DPP10: variants seen among roughly 807,000 people sequenced by gnomAD.
The protein encoded by DPP10 is dipeptidyl peptidase like 10, also known as inactive dipeptidyl peptidase 10.
Under a neutral mutation model 120.9 loss-of-function variants are expected in DPP10, and 33 were observed. That is an observed-to-expected ratio of 0.27 (90% CI 0.21 to 0.37). DPP10 has a LOEUF of 0.37. Among genes scored for constraint, DPP10 ranks in the 10% least tolerant of loss-of-function variants. The pLI, the probability that DPP10 is intolerant of heterozygous loss-of-function variation, is 1.00. For missense variants in DPP10, 816 were observed against 942.8 expected, an observed-to-expected ratio of 0.87 and a Z score of 1.76; for synonymous variants, 337 against 326.1, an observed-to-expected ratio of 1.03 and a Z score of -0.36.
intron 4 of DPP10, among the ~76,000 whole-genome samples, chr2:115,503,917 G>A (rs1278679164): frequency 2.0e-5 from 3 of 152,092 alleles, no homozygotes; most frequent in African/African-American, 7.2e-5. Context: ...AATGTCAGGA[G>A]TGTAGAGTTT....
chr2:115,304,588 G>C (rs143653109), intron 1 of DPP10, among the ~76,000 whole-genome samples: 4 of 151,994 alleles, frequency 2.6e-5, no homozygotes, highest in Admixed American at 2.0e-4. Flanking sequence ...ATGCTTTTCA[G>C]ACTATTTCAA....
chr2:114,714,976 C>T (rs1404760268), intron 1 of DPP10, among the ~76,000 whole-genome samples: 1 of 152,032 alleles, frequency 6.6e-6, no homozygotes, highest in African/African-American at 2.4e-5. Flanking sequence ...AGACAAAAGT[C>T]GCTTGAAAGA....
At chr2:115,453,383 A>G (rs920930448) in intron 3 of DPP10, among the ~76,000 whole-genome samples, 1 of 151,622 alleles carries the variant, frequency 6.6e-6, no homozygotes, top group African/African-American at 2.4e-5. Flanking sequence ...ACAAAATCAC[A>G]GTGTTCTGAG....
chr2:114,595,604 A>G (rs1330046327), intron 1 of DPP10, among the ~76,000 whole-genome samples: 1 of 152,168 alleles, frequency 6.6e-6, no homozygotes, highest in East Asian at 1.9e-4. Flanking sequence ...GTCATCACAC[A>G]TGGTAAAAAG....
chr2:115,199,725 T>A (rs1363494518), intron 1 of DPP10, among the ~76,000 whole-genome samples: 1 of 152,196 alleles, frequency 6.6e-6, no homozygotes, highest in Admixed American at 6.5e-5. Context: ...ACTGAAGAGA[T>A]GATGATTTTA....
At chr2:115,014,522 C>G (rs531529215) in intron 1 of DPP10, among the ~76,000 whole-genome samples, 1 of 151,832 alleles carries the variant, frequency 6.6e-6, no homozygotes, top group African/African-American at 2.4e-5. Flanking sequence ...ATTAGAGACA[C>G]GAAAAACCCT....
chr2:115,099,056 G>A (rs532248378), intron 1 of DPP10, among the ~76,000 whole-genome samples: 30 of 151,488 alleles, frequency 2.0e-4, no homozygotes, highest in Non-Finnish European at 3.8e-4. Context: ...AGGCCAAGGC[G>A]GGCGGATCAC....
chr2:114,449,250 C>T (rs1195363638), intron 1 of DPP10, among the ~76,000 whole-genome samples: 2 of 152,008 alleles, frequency 1.3e-5, no homozygotes, highest in African/African-American at 4.8e-5. Context: ...TGTTCTTTGG[C>T]CCGTAGATAT....
intron 1 of DPP10, among the ~76,000 whole-genome samples, chr2:114,996,944 T>C (rs988781961): frequency 7.2e-6 from 1 of 139,850 alleles, no homozygotes; most frequent in East Asian, 2.1e-4. Context: ...ATCGTGCCAC[T>C]GCGTTCTAGC....
intron 1 of DPP10, among the ~76,000 whole-genome samples, chr2:115,179,186 C>A (rs78028694): frequency 6.6e-6 from 1 of 151,862 alleles, no homozygotes. Flanking sequence ...AATTCTATAC[C>A]TTATAAGATA....
At chr2:114,786,910 A>G (rs1574186200) in intron 1 of DPP10, among the ~76,000 whole-genome samples, 1 of 152,076 alleles carries the variant, frequency 6.6e-6, no homozygotes, top group African/African-American at 2.4e-5. Flanking sequence ...AATTGGAACA[A>G]TCCCGACCCC....
chr2:115,279,044 A>C (rs2060032245), intron 1 of DPP10, among the ~76,000 whole-genome samples: 1 of 152,210 alleles, frequency 6.6e-6, no homozygotes, highest in South Asian at 2.1e-4. Context: ...ATGATTTATT[A>C]GATTTGACAC....
At chr2:114,848,494 A>G (rs1688710171) in intron 1 of DPP10, among the ~76,000 whole-genome samples, 1 of 152,218 alleles carries the variant, frequency 6.6e-6, no homozygotes, top group African/African-American at 2.4e-5. Flanking sequence ...AATAAGAGAG[A>G]GTCAGAAGAT....
intron 1 of DPP10, among the ~76,000 whole-genome samples, chr2:115,196,796 T>C (rs376921686): frequency 9.9e-4 from 151 of 152,276 alleles, no homozygotes; most frequent in African/African-American, 3.4e-3. Context: ...CATATGGATG[T>C]GTGGGTGTGG....
intron 3 of DPP10, among the ~76,000 whole-genome samples, chr2:115,463,667 A>G (rs927478999): frequency 1.3e-5 from 2 of 152,032 alleles, no homozygotes; most frequent in Non-Finnish European, 2.9e-5. Flanking sequence ...ATTTTGGTCC[A>G]TTTGCGTCTA....
At chr2:114,885,344 A>C (rs1019778337) in intron 1 of DPP10, among the ~76,000 whole-genome samples, 1 of 152,138 alleles carries the variant, frequency 6.6e-6, no homozygotes, top group Non-Finnish European at 1.5e-5. Context: ...CGCCGAGGGG[A>C]TAATGCTAAA....
intron 1 of DPP10, among the ~76,000 whole-genome samples, chr2:114,551,158 C>T (rs1027311237): frequency 7.9e-5 from 12 of 152,100 alleles, no homozygotes; most frequent in Non-Finnish European, 1.6e-4. Flanking sequence ...GGATGATCTC[C>T]CCACTTCTAC....
chr2:115,643,110 A>G (rs79346634), intron 5 of DPP10, among the ~76,000 whole-genome samples: 11,338 of 152,008 alleles, frequency 0.075, 428 homozygotes, highest in South Asian at 0.09. Flanking sequence ...TACTAATTAA[A>G]GTCAGTCTTG....
At chr2:114,806,104 TC>T (rs1278824472) in intron 1 of DPP10, among the ~76,000 whole-genome samples, 11 of 152,216 alleles carry the variant, frequency 7.2e-5, no homozygotes, top group Non-Finnish European at 1.3e-4. Flanking sequence ...AAATTATCCA[TC>T]TCAGGGAATT....
Sources: allele counts gnomAD v4.1 joint callset (sites outside exome capture counted in the v4.1 genomes callset), GRCh38; gene constraint gnomAD v4.1.1; transcripts MANE v1.5; gene names NCBI Gene and HGNC (gene_info 2026-07-23, HGNC 2026-07-21).